Variants in MAP7 observed in about 807,000 individuals in gnomAD.
MAP7 encodes the protein microtubule associated protein 7.
Under a neutral mutation model 94.8 loss-of-function variants are expected in MAP7, and 52 were observed. That is an observed-to-expected ratio of 0.55 (90% CI 0.44 to 0.69). The LOEUF (loss-of-function observed/expected upper bound fraction) is 0.69, where lower values mean the gene tolerates loss of function less well. MAP7 is among the 30% of genes least tolerant of loss of function. MAP7 has a pLI of 0.00. For missense variants in MAP7, 940 were observed against 964.6 expected (o/e 0.97, Z 0.34); for synonymous variants, 350 against 357.0 (o/e 0.98, Z 0.22).
intron 6 of MAP7, among the ~76,000 whole-genome samples, chr6:136,381,965 A>C (rs1777917789): frequency 6.6e-6 from 1 of 151,868 alleles, no homozygotes; most frequent in Non-Finnish European, 1.5e-5. Flanking sequence ...AATCTAAGAA[A>C]GGACACCCAT....
At chr6:136,463,994 T>C (rs1029160332) in intron 1 of MAP7, among the ~76,000 whole-genome samples, 3 of 152,116 alleles carry the variant, frequency 2.0e-5, no homozygotes, top group Non-Finnish European at 4.4e-5. Context: ...TGACCTTCAT[T>C]GTGTATGTGG....
chr6:136,420,197 T>A (rs904095640), intron 2 of MAP7: 61 of 1,017,250 alleles, frequency 6.0e-5, no homozygotes, highest in Non-Finnish European at 9.0e-5. Flanking sequence ...GATGACTGGA[T>A]CTTGTGTTCA....
rs1165549213 is a variant in MAP7, at chr6:136,366,996, G to A, written c.877-557C>T. Among the ~76,000 whole-genome samples, 4 of 152,142 alleles carry A rather than the reference G, an allele frequency of 2.6e-5. No individual in the cohort carries two copies. The East Asian group carries it at 7.7e-4, about 29-fold the overall frequency. On this transcript the variant is annotated intron_variant, in intron 8 of 17. Coordinates refer to ENST00000354570, the MANE Select transcript of MAP7 (RefSeq NM_003980.6). The stretch of plus-strand genomic sequence containing the variant: ...CACCTACTGTCCTCTTGCAGCAATA[G>A]ATAACTGATACAATAGGTGATTTTG...
chr6:136,410,949 A>G lies in MAP7; in HGVS notation c.244+671T>C, dbSNP rs138773422. 5.7e-3 allele frequency among the ~76,000 whole-genome samples: 863 copies of G among 152,332 alleles called. 16 individuals are homozygous for G. Among genetic ancestry groups the G allele is most frequent in the African/African-American group, 0.019 (802 of 41,580 alleles). ...CTTTTCCAAGGTACATCATTCAGGT[A>G]TATTTCAAGAGAGTATCCTGTTTTA... On this transcript the variant is annotated intron_variant, in intron 3 of 17. Coordinates refer to ENST00000354570, the MANE Select transcript of MAP7 (RefSeq NM_003980.6).
At chr6:136,434,789 C>T (rs772601335) in intron 1 of MAP7, among the ~76,000 whole-genome samples, 2 of 152,202 alleles carry the variant, frequency 1.3e-5, no homozygotes, top group Non-Finnish European at 2.9e-5. Flanking sequence ...GCTCTGCCAA[C>T]TCTCAAAGGC....
At position 136,436,933 on chromosome 6, in the gene MAP7, A is replaced by T. The variant is rs181991521; in HGVS notation, c.68-15134T>A. Among the ~76,000 whole-genome samples, 6 of 152,332 alleles carry T rather than the reference A, an allele frequency of 3.9e-5. No homozygotes were observed. In the East Asian group the frequency reaches 9.7e-4, roughly 25 times the overall value. On this transcript the variant is annotated intron_variant, in intron 1 of 17. Transcript: ENST00000354570. ...ACTGGCCTGCAGAATGGTCAAATTA[A>T]TGTGACCACATTAAAAATGATACAA...
At chr6:136,380,657 T>C (rs1395145641) in intron 6 of MAP7, among the ~76,000 whole-genome samples, 1 of 152,254 alleles carries the variant, frequency 6.6e-6, no homozygotes, top group African/African-American at 2.4e-5. Flanking sequence ...TATATACTTT[T>C]AATGTAAAAA....
At chr6:136,457,024 GT>G (rs71009504) in intron 1 of MAP7, among the ~76,000 whole-genome samples, 7 of 144,718 alleles carry the variant, frequency 4.8e-5, no homozygotes, top group African/African-American at 7.6e-5. Flanking sequence ...ATGAAACAAA[GT>G]TTTTTTTTTA....
At chr6:136,372,942 AGC>A (rs1775009964) in intron 7 of MAP7, among the ~76,000 whole-genome samples, 1 of 152,232 alleles carries the variant, frequency 6.6e-6, no homozygotes, top group African/African-American at 2.4e-5. Flanking sequence ...AATTATGGAG[AGC>A]AATGGTCTTA....
chr6:136,473,503 T>C (rs1188604245), intron 1 of MAP7, among the ~76,000 whole-genome samples: 1 of 152,240 alleles, frequency 6.6e-6, no homozygotes, highest in Non-Finnish European at 1.5e-5. Flanking sequence ...GGATCTTCCA[T>C]GTAACACTAT....
chr6:136,530,513 A>C (rs939814184), intron 1 of MAP7, among the ~76,000 whole-genome samples: 8 of 152,210 alleles, frequency 5.3e-5, no homozygotes, highest in African/African-American at 9.7e-5. Context: ...TGAAAATGAC[A>C]AAGCCAGCAC....
In MAP7 at chr6:136,365,976, T is replaced by A. The variant is rs760045300; in HGVS notation, c.1032A>T (p.Arg344Ser). The A allele has an allele frequency of 5.6e-6, 9 of 1,613,000 alleles. No homozygotes were observed. The Admixed American group carries it at 1.3e-4, about 24-fold the overall frequency. ...AGCCGGGTGGCAAGGAGGATGTCGG[T>A]CTGGGTGTGCCAGGCAAATGAGGAA... ...KSLPHLPGTP[R>S]PTSSLPPGSV... The change falls in exon 10 of 18, where the codon AGA (arginine) becomes AGT (serine). Residue 344 changes from arginine to serine, a missense_variant. Transcript: ENST00000354570.
chr6:136,446,660 A>AATGAGATTTTGT (rs1799457969), intron 1 of MAP7, among the ~76,000 whole-genome samples: 3 of 152,210 alleles, frequency 2.0e-5, no homozygotes, highest in Admixed American at 2.0e-4. Context: ...GGCCACCAGG[A>AATGAGATTTTGT]ATCTCATTCA....
At chr6:136,406,141 T>C (rs2128724116) in intron 3 of MAP7, among the ~76,000 whole-genome samples, 1 of 152,304 alleles carries the variant, frequency 6.6e-6, no homozygotes, top group Non-Finnish European at 1.5e-5. Flanking sequence ...GTTCTAGTAA[T>C]GGTTTCTGAA....
chr6:136,482,958 G>C (rs1474681396), intron 1 of MAP7, among the ~76,000 whole-genome samples: 1 of 152,060 alleles, frequency 6.6e-6, no homozygotes, highest in African/African-American at 2.4e-5. Context: ...GTGTCTATTT[G>C]ATCAGGTTTT....
intron 1 of MAP7, among the ~76,000 whole-genome samples, chr6:136,497,070 C>A (rs1229530290): frequency 2.6e-5 from 4 of 152,036 alleles, no homozygotes; most frequent in East Asian, 1.9e-4. Context: ...AGAGTTTCAA[C>A]CTGAGCTGCC....
intron 1 of MAP7, among the ~76,000 whole-genome samples, chr6:136,446,645 C>T (rs1196981981): frequency 6.6e-6 from 1 of 152,212 alleles, no homozygotes; most frequent in Non-Finnish European, 1.5e-5. Flanking sequence ...TACTTAGGGG[C>T]TGCTGGCCAC....
intron 1 of MAP7, among the ~76,000 whole-genome samples, chr6:136,513,336 T>G (rs142092059): frequency 1.7e-3 from 258 of 152,354 alleles, no homozygotes; most frequent in Middle Eastern, 3.4e-3. Flanking sequence ...TTCTAAATCC[T>G]TTGTTGCCAT....
chr6:136,449,014 A>AG (rs1468983478), intron 1 of MAP7, among the ~76,000 whole-genome samples: 1 of 90,828 alleles, frequency 1.1e-5, no homozygotes, highest in Non-Finnish European at 2.3e-5. Flanking sequence ...AAAAAAAAAA[A>AG]AAAAAAGAAG....
Sources: allele counts gnomAD v4.1 joint callset (sites outside exome capture counted in the v4.1 genomes callset), GRCh38; gene constraint gnomAD v4.1.1; transcripts MANE v1.5; gene names NCBI Gene and HGNC (gene_info 2026-07-23, HGNC 2026-07-21).